PTGER3: variants seen among roughly 807,000 people sequenced by gnomAD.
The protein encoded by PTGER3 is prostaglandin E receptor 3.
PTGER3 carries 22 observed loss-of-function variants against 34.7 expected under a neutral mutation model. That is an observed-to-expected ratio of 0.63 (90% CI 0.45 to 0.91). PTGER3 has a LOEUF of 0.91. PTGER3 is among the 40% of genes least tolerant of loss of function. The pLI is 0.00. For missense variants in PTGER3, 468 were observed against 519.4 expected (o/e 0.90, Z 0.96); for synonymous variants, 241 against 230.1 (o/e 1.05, Z -0.43).
chr1:70,907,615 AAC>A (rs1182776341), intron 4 of PTGER3, among the ~76,000 whole-genome samples: 1 of 152,220 alleles, frequency 6.6e-6, no homozygotes, highest in Non-Finnish European at 1.5e-5. Flanking sequence ...GCACATCAGT[AAC>A]ACATCATGAA....
At chr1:71,017,627 T>C (rs1658025760) in intron 1 of PTGER3, among the ~76,000 whole-genome samples, 1 of 152,152 alleles carries the variant, frequency 6.6e-6, no homozygotes, top group Non-Finnish European at 1.5e-5. Context: ...TCATGAGATA[T>C]GCTTGTTTAA....
At chr1:70,867,241 A>C (rs1646062046) in intron 4 of PTGER3, among the ~76,000 whole-genome samples, 1 of 152,202 alleles carries the variant, frequency 6.6e-6, no homozygotes, top group Admixed American at 6.5e-5. Flanking sequence ...GAGTTCTCTA[A>C]TCATCCAGGT....
chr1:70,943,858 GA>G (rs1464467037), intron 4 of PTGER3, among the ~76,000 whole-genome samples: 8 of 151,614 alleles, frequency 5.3e-5, no homozygotes, highest in Admixed American at 5.3e-4. Flanking sequence ...GAGAGAGAGA[GA>G]GAGAGAGAGA....
intron 4 of PTGER3, among the ~76,000 whole-genome samples, chr1:70,878,011 A>T (rs570297121): frequency 6.6e-6 from 1 of 152,206 alleles, no homozygotes; most frequent in East Asian, 1.9e-4. Flanking sequence ...GGAATAGTTC[A>T]ATAGAATTGG....
At chr1:70,922,629 A>G (rs570801831) in intron 4 of PTGER3, among the ~76,000 whole-genome samples, 6 of 148,074 alleles carry the variant, frequency 4.1e-5, no homozygotes, top group Admixed American at 2.0e-4. Context: ...GGCTTTCACC[A>G]AAAAAAAAAG....
intron 1 of PTGER3, among the ~76,000 whole-genome samples, chr1:71,045,626 G>A (rs1660703701): frequency 2.0e-5 from 3 of 152,176 alleles, no homozygotes; most frequent in Non-Finnish European, 4.4e-5. Context: ...GTTAGGCAAA[G>A]AGCCTCTGCA....
intron 4 of PTGER3, among the ~76,000 whole-genome samples, chr1:70,926,166 G>A (rs1648063820): frequency 6.6e-6 from 1 of 152,134 alleles, no homozygotes; most frequent in African/African-American, 2.4e-5. Context: ...AATTATATGA[G>A]GTGGAGTATT....
At chr1:70,953,063 A>G (rs1303267866) in intron 3 of PTGER3, 1 of 1,574,780 alleles carries the variant, frequency 6.4e-7, no homozygotes, top group South Asian at 1.2e-5. Context: ...AGATTAACTA[A>G]CCACAGATCA....
intron 4 of PTGER3, among the ~76,000 whole-genome samples, chr1:70,869,993 G>A (rs1646128655): frequency 6.6e-6 from 1 of 152,196 alleles, no homozygotes; most frequent in African/African-American, 2.4e-5. Flanking sequence ...GGACTCCTAT[G>A]CCACATTTCC....
At chr1:70,861,525 ACTTG>A (rs1403358787) in intron 4 of PTGER3, among the ~76,000 whole-genome samples, 13 of 152,204 alleles carry the variant, frequency 8.5e-5, no homozygotes, top group Non-Finnish European at 1.5e-4. Context: ...TTGCTAGGCT[ACTTG>A]CTTTTCAGTT....
downstream of PTGER3, among the ~76,000 whole-genome samples, chr1:70,968,709 G>A (rs899069585): frequency 1.3e-5 from 2 of 151,486 alleles, no homozygotes; most frequent in Admixed American, 6.6e-5. Flanking sequence ...AACTAAAGTA[G>A]TTTTTTAAGT....
At chr1:70,953,729 T>C (rs1318331725) in intron 3 of PTGER3, 1 of 1,537,800 alleles carries the variant, frequency 6.5e-7, no homozygotes, top group Middle Eastern at 1.7e-4. Flanking sequence ...TGGATTCAAA[T>C]GCAACTAGTT....
intron 1 of PTGER3, among the ~76,000 whole-genome samples, chr1:71,017,571 G>C (rs2100881978): frequency 6.6e-6 from 1 of 152,174 alleles, no homozygotes; most frequent in East Asian, 1.9e-4. Flanking sequence ...ACTGGATCAT[G>C]GGGGCAGACT....
chr1:71,011,474 G>A (rs770641748), intron 2 of PTGER3: 5 of 985,220 alleles, frequency 5.1e-6, no homozygotes, highest in Non-Finnish European at 6.0e-6. Context: ...ACCACTTCAC[G>A]ACTCTCATAG....
At chr1:71,036,282 C>G (rs370154199) in intron 1 of PTGER3, among the ~76,000 whole-genome samples, 4 of 152,054 alleles carry the variant, frequency 2.6e-5, no homozygotes, top group African/African-American at 7.2e-5. Flanking sequence ...AGATTTGAAG[C>G]CAAAAAACTT....
At chr1:70,972,669 A>G (rs1653213111) in intron 3 of PTGER3, among the ~76,000 whole-genome samples, 1 of 152,150 alleles carries the variant, frequency 6.6e-6, no homozygotes, top group African/African-American at 2.4e-5. Flanking sequence ...TATTATTTAG[A>G]TAACCTATTA....
At chr1:70,877,044 G>T (rs1468644268) in intron 4 of PTGER3, among the ~76,000 whole-genome samples, 1 of 152,168 alleles carries the variant, frequency 6.6e-6, no homozygotes, top group Non-Finnish European at 1.5e-5. Context: ...ATTGCTTTGG[G>T]AAGTGTGGTC....
At chr1:71,010,254 C>A in intron 2 of PTGER3, 1 of 983,850 alleles carries the variant, frequency 1.0e-6, no homozygotes, top group Non-Finnish European at 1.2e-6. Context: ...CTGTGTTGTA[C>A]AGCAGTATGA....
intron 2 of PTGER3, among the ~76,000 whole-genome samples, chr1:70,982,985 T>C (rs1654533799): frequency 6.6e-6 from 1 of 152,044 alleles, no homozygotes; most frequent in Admixed American, 6.6e-5. Context: ...AAATCACAAA[T>C]TTCTAAAAAG....
Sources: allele counts gnomAD v4.1 joint callset (sites outside exome capture counted in the v4.1 genomes callset), GRCh38; gene constraint gnomAD v4.1.1; transcripts MANE v1.5; gene names NCBI Gene and HGNC (gene_info 2026-07-23, HGNC 2026-07-21).